The following MAPRE2 variants were observed in gnomAD, a reference collection of about 807,000 sequenced individuals.
MAPRE2 encodes microtubule associated protein RP/EB family member 2, also known as microtubule-associated protein RP/EB family member 2.
A neutral mutation model predicts 43.2 loss-of-function variants in MAPRE2; 13 were observed. That is an observed-to-expected ratio of 0.30 (90% confidence interval 0.20 to 0.48). The LOEUF (loss-of-function observed/expected upper bound fraction) is 0.48. MAPRE2 is among the 20% of genes least tolerant of loss of function. MAPRE2 has a pLI of 0.99. For missense variants in MAPRE2, 161 were observed against 400.2 expected (o/e 0.40, Z 5.10); for synonymous variants, 135 against 148.8 (o/e 0.91, Z 0.68).
intron 4 of MAPRE2, among the ~76,000 whole-genome samples, chr18:35,117,910 C>T (rs944920894): frequency 4.6e-5 from 7 of 152,058 alleles, no homozygotes; most frequent in Non-Finnish European, 1.0e-4. Flanking sequence ...ATACTTGAGC[C>T]ATTTTAAGAT....
chr18:35,100,488 G>A lies in MAPRE2; in HGVS notation c.397-1458G>A, dbSNP rs149891247. 8.6e-3 allele frequency among the ~76,000 whole-genome samples: 1,311 copies of A among 152,080 alleles called. 11 individuals are homozygous for A. The highest frequency in any genetic ancestry group is 0.015 in the Non-Finnish European group (1,031 of 67,998). Reference sequence around the variant, plus strand: ...GTATATACCCAAAAGAGTAGAAATCGTTCTACCTTAAAGACATATGCATGT... The same window carrying A: ...GTATATACCCAAAAGAGTAGAAATCATTCTACCTTAAAGACATATGCATGT... On this transcript the variant is annotated intron_variant, in intron 3 of 6. Coordinates refer to ENST00000300249, the MANE Select transcript of MAPRE2 (RefSeq NM_014268.4).
chr18:35,047,692 T>C (rs1905699824), intron 1 of MAPRE2, among the ~76,000 whole-genome samples: 1 of 142,588 alleles, frequency 7.0e-6, no homozygotes, highest in Non-Finnish European at 1.5e-5. Flanking sequence ...AGGCCACCAA[T>C]AAATAATTTC....
In MAPRE2 at chr18:35,032,353, C is replaced by T. The variant is rs965693975; in HGVS notation, c.-8+26800C>T. On this transcript the variant is annotated intron_variant, in intron 2 of 7. Transcript: ENST00000413393. Reference sequence around the variant, plus strand: ...CATTTTTAACCTGAAAAAAGGCATTCATGTGATGAGTAGGTGTTTCTGGGA... The same window carrying T: ...CATTTTTAACCTGAAAAAAGGCATTTATGTGATGAGTAGGTGTTTCTGGGA... Among the ~76,000 whole-genome samples, 6 of 152,256 alleles carry T rather than the reference C, an allele frequency of 3.9e-5. No individual in the cohort carries two copies. In the South Asian group the frequency reaches 1.0e-3, roughly 26 times the overall value.
chr18:35,014,443 C>T lies in MAPRE2; in HGVS notation c.-8+8890C>T, dbSNP rs543824751. ...CGGCAGTCTATATAAGGCATATATA[C>T]CTGGCAGATAAAAATTGTATAAAAG... On this transcript the variant is annotated intron_variant, in intron 2 of 7. Coordinates refer to the MAPRE2 transcript ENST00000413393. 8.7e-4 allele frequency among the ~76,000 whole-genome samples: 131 copies of T among 149,798 alleles called. 1 individual carries two copies. The highest frequency in any genetic ancestry group is 3.4e-3 in the Middle Eastern group (1 of 292).
chr18:35,121,262 G>A (rs901639116), intron 4 of MAPRE2, among the ~76,000 whole-genome samples: 8 of 152,136 alleles, frequency 5.3e-5, no homozygotes, highest in East Asian at 1.9e-4. Context: ...CATTAGACAC[G>A]GTAATGCCCT....
intron 2 of MAPRE2, among the ~76,000 whole-genome samples, chr18:35,076,087 A>AT (rs574468683): frequency 1.3e-5 from 2 of 151,994 alleles, no homozygotes; most frequent in Non-Finnish European, 2.9e-5. Flanking sequence ...CTGCTCTATA[A>AT]TTTTTTTTAC....
intron 1 of MAPRE2, among the ~76,000 whole-genome samples, chr18:35,052,377 C>CTTTAAGA (rs1905986190): frequency 1.3e-5 from 2 of 152,154 alleles, no homozygotes; most frequent in African/African-American, 4.8e-5. Flanking sequence ...TAAGATTCAT[C>CTTTAAGA]CATATGGGAT....
chr18:35,049,012 T>G (rs1955058112), intron 1 of MAPRE2, among the ~76,000 whole-genome samples: 1 of 152,204 alleles, frequency 6.6e-6, no homozygotes, highest in Non-Finnish European at 1.5e-5. Context: ...TAGATTTCTG[T>G]GATCCTATTT....
intron 2 of MAPRE2, among the ~76,000 whole-genome samples, chr18:35,013,352 A>G (rs967650328): frequency 6.6e-6 from 1 of 152,178 alleles, no homozygotes; most frequent in Non-Finnish European, 1.5e-5. Context: ...GGCATAGGAG[A>G]AACTGGTAGA....
At chr18:35,005,444 C>A in intron 1 of MAPRE2, 1 of 1,155,568 alleles carries the variant, frequency 8.7e-7, no homozygotes, top group Non-Finnish European at 1.2e-6. Context: ...ATATTTTCAT[C>A]ATATTAAATG....
intron 2 of MAPRE2, among the ~76,000 whole-genome samples, chr18:35,033,948 T>G (rs1380037856): frequency 5.4e-5 from 8 of 148,342 alleles, no homozygotes; most frequent in African/African-American, 2.0e-4. Context: ...CCAAGGTAAT[T>G]TACAGATTCA....
chr18:34,998,772 A>ATTTTTTTTTTTTTT lies in MAPRE2; in HGVS notation c.-69-6705_-69-6692dup, dbSNP rs67933808. Reference sequence around the variant, plus strand: ...GCCACTGAGCCTGGCCGAAGTTGCAATTTTTTTTTTTTTTTTTTTTTTTTT... The same window carrying ATTTTTTTTTTTTTT: ...GCCACTGAGCCTGGCCGAAGTTGCAATTTTTTTTTTTTTTTTTTTTTTTTTTTTTTTTTTTTTTT... On this transcript the variant is annotated intron_variant, in intron 1 of 7. Transcript: ENST00000413393. Among the ~76,000 whole-genome samples, 115 of 93,726 alleles carry ATTTTTTTTTTTTTT rather than the reference A, an allele frequency of 1.2e-3. 8 individuals are homozygous for ATTTTTTTTTTTTTT. Among genetic ancestry groups the ATTTTTTTTTTTTTT allele is most frequent in the African/African-American group, 4.2e-3 (85 of 20,168 alleles). The allele number at this position is 93,726 out of a possible 152,430, so 61.5% of individuals were successfully genotyped here.
chr18:34,984,888 TATATA>T (rs1237455436), intron 1 of MAPRE2, among the ~76,000 whole-genome samples: 3 of 78,474 alleles, frequency 3.8e-5, no homozygotes, highest in Non-Finnish European at 6.9e-5. Flanking sequence ...TGTTATATAA[TATATA>T]ATATATTTTA....
intron 1 of MAPRE2, among the ~76,000 whole-genome samples, chr18:34,983,787 A>C (rs2150570265): frequency 6.6e-6 from 1 of 152,054 alleles, no homozygotes; most frequent in African/African-American, 2.4e-5. Context: ...ATGCCACCAT[A>C]TCCGGCTAAT....
chr18:34,999,368 T>C (rs2097028204), intron 1 of MAPRE2, among the ~76,000 whole-genome samples: 1 of 152,230 alleles, frequency 6.6e-6, no homozygotes. Context: ...CTTTTGTACA[T>C]TGAGCACTAT....
intron 1 of MAPRE2, among the ~76,000 whole-genome samples, chr18:35,063,349 C>T (rs538501931): frequency 7.2e-5 from 11 of 152,144 alleles, no homozygotes; most frequent in Admixed American, 4.6e-4. Flanking sequence ...CCTCGTGATC[C>T]GCCCGCCTTG....
Position 35,140,345 on chromosome 18 carries a change from GC to G in MAPRE2, c.965del (p.Pro322ArgfsTer80). ...EAEEQAHEQQ[P>X]PQQEEY Reference sequence around the variant, plus strand: ...CAGAGGAGCAAGCCCACGAACAGCAGCCCCCGCAGCAGGAAGAGTACTGACC... The same window carrying G: ...CAGAGGAGCAAGCCCACGAACAGCAGCCCCGCAGCAGGAAGAGTACTGACC... On this transcript the variant is annotated frameshift_variant, in exon 7 of 7. Coordinates refer to ENST00000300249, the MANE Select transcript of MAPRE2 (RefSeq NM_014268.4). LOFTEE classifies it high-confidence loss of function. The G allele has an allele frequency of 6.2e-7, 1 of 1,613,618 alleles. No homozygotes were observed.
Position 35,132,191 on chromosome 18 carries a change from G to A in MAPRE2, c.909+1G>A. 1.2e-6 allele frequency: 2 copies of A among 1,613,902 alleles called. No homozygotes were observed. Among genetic ancestry groups the A allele is most frequent in the Non-Finnish European group, 1.7e-6 (2 of 1,179,896 alleles). ...CATCCTGTATGCTTCAGAAGAACAC[G>A]TAAGTGTGAGGAGCATGTGACTCCT... On this transcript the variant is annotated splice_donor_variant, in intron 6 of 6. Transcript: ENST00000300249. LOFTEE classifies it high-confidence loss of function.
intron 2 of MAPRE2, among the ~76,000 whole-genome samples, chr18:35,079,855 G>C (rs1907549008): frequency 6.6e-6 from 1 of 152,170 alleles, no homozygotes; most frequent in Non-Finnish European, 1.5e-5. Flanking sequence ...AGGACGAAAG[G>C]ACATTTTAGA....
Sources: allele counts gnomAD v4.1 joint callset (sites outside exome capture counted in the v4.1 genomes callset), GRCh38; gene constraint gnomAD v4.1.1; transcripts MANE v1.5; gene names NCBI Gene and HGNC (gene_info 2026-07-23, HGNC 2026-07-21).